RCAN2: variants seen among roughly 807,000 people sequenced by gnomAD.
RCAN2 encodes the protein calcipressin-2.
In RCAN2, 9 loss-of-function variants were observed where a neutral mutation model predicts 23.6. The ratio of observed to expected loss-of-function variants is 0.38; its 90% CI spans 0.23 to 0.67. The LOEUF (loss-of-function observed/expected upper bound fraction) is 0.67, where lower values mean the gene tolerates loss of function less well. Among genes scored for constraint, RCAN2 ranks in the 30% least tolerant of loss-of-function variants. RCAN2 has a pLI of 0.51. For missense variants in RCAN2, 273 were observed against 302.3 expected, an observed-to-expected ratio of 0.90 and a Z score of 0.72; for synonymous variants, 109 against 115.7, an observed-to-expected ratio of 0.94 and a Z score of 0.37.
At position 46,246,910 on chromosome 6, in the gene RCAN2, G is replaced by A. The variant is rs947146198; in HGVS notation, c.409C>T (p.Pro137Ser). 1.3e-6 allele frequency: 2 copies of A among 1,565,644 alleles called. No homozygotes were observed. Among genetic ancestry groups the A allele is most frequent in the Non-Finnish European group, 1.7e-6 (2 of 1,154,876 alleles). Residue 137 changes from proline to serine, a missense_variant, in exon 4 of 5, where the codon CCA becomes TCA. Coordinates refer to ENST00000371374, the MANE Select transcript of RCAN2 (RefSeq NM_001251974.2). ...TGCAGTTTGTCTCCATCTGTCTCTG[G>A]AGTCTGAACCTTTCAAATAGAGTAG... is the stretch of plus-strand genomic sequence containing the variant. ...LKLYFAQVQT[P>S]ETDGDKLHLA...
chr6:46,238,772 T>C (rs1265619833), intron 4 of RCAN2, among the ~76,000 whole-genome samples: 1 of 152,148 alleles, frequency 6.6e-6, no homozygotes, highest in African/African-American at 2.4e-5. Flanking sequence ...TAGGCTGGTC[T>C]CAAACTCCTA....
At chr6:46,310,741 A>G (rs1043020691) in intron 2 of RCAN2, among the ~76,000 whole-genome samples, 1 of 152,196 alleles carries the variant, frequency 6.6e-6, no homozygotes, top group Admixed American at 6.5e-5. Flanking sequence ...GAATTTGTCT[A>G]AGAGTTATTT....
At chr6:46,303,567 A>G (rs1762975017) in intron 2 of RCAN2, among the ~76,000 whole-genome samples, 1 of 152,014 alleles carries the variant, frequency 6.6e-6, no homozygotes, top group South Asian at 2.1e-4. Context: ...TATAACCACT[A>G]TCATTGTAAC....
intron 2 of RCAN2, among the ~76,000 whole-genome samples, chr6:46,400,055 C>A (rs1766206633): frequency 1.3e-5 from 2 of 152,194 alleles, no homozygotes; most frequent in African/African-American, 2.4e-5. Flanking sequence ...CCTGCATCTG[C>A]AAATTCTTCC....
chr6:46,288,254 A>G (rs1391376595), intron 2 of RCAN2, among the ~76,000 whole-genome samples: 1 of 152,224 alleles, frequency 6.6e-6, no homozygotes, highest in East Asian at 1.9e-4. Context: ...TTAAACCATT[A>G]AAAGAAACAA....
At chr6:46,404,259 G>C (rs1766338171) in intron 2 of RCAN2, among the ~76,000 whole-genome samples, 1 of 151,926 alleles carries the variant, frequency 6.6e-6, no homozygotes, top group African/African-American at 2.4e-5. Context: ...AGGGAAATGA[G>C]TGCTTGTTTG....
At chr6:46,478,273 T>A (rs1382967246) in intron 1 of RCAN2, among the ~76,000 whole-genome samples, 2 of 152,146 alleles carry the variant, frequency 1.3e-5, no homozygotes, top group African/African-American at 4.8e-5. Context: ...TCCCACTCCA[T>A]GCACCCAGTG....
intron 1 of RCAN2, among the ~76,000 whole-genome samples, chr6:46,469,338 A>C (rs77364530): frequency 1.6e-4 from 24 of 152,322 alleles, no homozygotes; most frequent in African/African-American, 5.3e-4. Context: ...GAAAAAAAAC[A>C]AACTGAAACC....
At chr6:46,377,534 C>T (rs1468313571) in intron 2 of RCAN2, among the ~76,000 whole-genome samples, 4 of 152,186 alleles carry the variant, frequency 2.6e-5, no homozygotes, top group African/African-American at 7.2e-5. Context: ...AGAAGACCCT[C>T]GAAGCCAAGG....
At chr6:46,482,890 T>G (rs1388937980) in intron 1 of RCAN2, among the ~76,000 whole-genome samples, 10 of 152,198 alleles carry the variant, frequency 6.6e-5, no homozygotes, top group Non-Finnish European at 1.5e-4. Flanking sequence ...GCATAAGATT[T>G]TAAAGGTTAT....
intron 2 of RCAN2, among the ~76,000 whole-genome samples, chr6:46,305,643 A>G (rs574874064): frequency 6.6e-6 from 1 of 152,184 alleles, no homozygotes; most frequent in South Asian, 2.1e-4. Flanking sequence ...AGGCATAATT[A>G]TATGAATTAA....
intron 4 of RCAN2, among the ~76,000 whole-genome samples, chr6:46,235,223 T>C (rs980361114): frequency 2.0e-5 from 3 of 152,240 alleles, no homozygotes; most frequent in Admixed American, 6.5e-5. Flanking sequence ...ATTCATTATT[T>C]AGATTCCTAA....
intron 2 of RCAN2, among the ~76,000 whole-genome samples, chr6:46,308,712 C>T (rs910405660): frequency 1.3e-5 from 2 of 152,122 alleles, no homozygotes; most frequent in Non-Finnish European, 2.9e-5. Flanking sequence ...TCAGGCCAAA[C>T]AGCTTTCTTC....
chr6:46,308,622 G>A (rs941236073), intron 2 of RCAN2, among the ~76,000 whole-genome samples: 1 of 152,040 alleles, frequency 6.6e-6, no homozygotes, highest in Non-Finnish European at 1.5e-5. Context: ...ATGTGAGGAG[G>A]GCACTTGCAA....
chr6:46,375,117 G>A (rs906794856), intron 2 of RCAN2, among the ~76,000 whole-genome samples: 1 of 152,126 alleles, frequency 6.6e-6, no homozygotes. Flanking sequence ...GCTAATTTCT[G>A]TATGTTTAGT....
intron 2 of RCAN2, among the ~76,000 whole-genome samples, chr6:46,376,420 G>C (rs747445445): frequency 6.6e-6 from 1 of 152,180 alleles, no homozygotes; most frequent in African/African-American, 2.4e-5. Context: ...TGTGGCTCAC[G>C]CCTGTAATCC....
At position 46,311,730 on chromosome 6, in the gene RCAN2, C is replaced by T. The variant is rs539851317; in HGVS notation, c.226-62834G>A. Among the ~76,000 whole-genome samples the T allele has an allele frequency of 2.4e-4, 37 of 152,324 alleles. 2 individuals carry two copies. The highest frequency in any genetic ancestry group is 8.7e-4 in the African/African-American group (36 of 41,580). ...CAAACTTCTCCTAAGACTGTGTTTT[C>T]AGGACTTATTAACTCCCTCTGGATT... is the stretch of plus-strand genomic sequence containing the variant. On this transcript the variant is annotated intron_variant, in intron 2 of 4. Coordinates refer to ENST00000371374, the MANE Select transcript of RCAN2 (RefSeq NM_001251974.2).
chr6:46,369,349 A>T (rs79049314), intron 2 of RCAN2, among the ~76,000 whole-genome samples: 2 of 152,244 alleles, frequency 1.3e-5, no homozygotes, highest in African/African-American at 2.4e-5. Flanking sequence ...ACAATAAAGT[A>T]TACTATAGTA....
chr6:46,321,942 T>C (rs764292743), intron 2 of RCAN2, among the ~76,000 whole-genome samples: 3 of 152,194 alleles, frequency 2.0e-5, no homozygotes, highest in Non-Finnish European at 4.4e-5. Flanking sequence ...CTGTACCTAC[T>C]TGTGCCTGAA....
Sources: allele counts gnomAD v4.1 joint callset (sites outside exome capture counted in the v4.1 genomes callset), GRCh38; gene constraint gnomAD v4.1.1; transcripts MANE v1.5; gene names NCBI Gene and HGNC (gene_info 2026-07-23, HGNC 2026-07-21).